SLC27A4: variants seen among roughly 807,000 people sequenced by gnomAD.
SLC27A4 encodes the protein long-chain fatty acid transport protein 4.
SLC27A4 carries 33 observed loss-of-function variants against 64.4 expected under a neutral mutation model. The observed-to-expected ratio is 0.51, with a 90% confidence interval of 0.39 to 0.68. SLC27A4 has a LOEUF of 0.68. Ranked by LOEUF, SLC27A4 falls within the 30% of genes least tolerant of loss-of-function variation. SLC27A4 has a pLI of 0.00. For missense variants in SLC27A4, 824 were observed against 883.5 expected (o/e 0.93, Z 0.85); for synonymous variants, 377 against 370.0 (o/e 1.02, Z -0.22).
rs746006894 is a variant in SLC27A4 at position 128,353,500 on chromosome 9, T to C, written c.1283T>C (p.Leu428Pro). 1 of 1,614,064 alleles carries C rather than the reference T, an allele frequency of 6.2e-7. No homozygotes were observed. Among genetic ancestry groups the C allele is most frequent in the Non-Finnish European group, 8.5e-7 (1 of 1,179,990 alleles). Residue 428 changes from leucine (L) to proline (P), a missense_variant, in exon 9 of 13, where the codon CTG becomes CCG. Coordinates refer to ENST00000300456, the MANE Select transcript of SLC27A4 (RefSeq NM_005094.4). This position sits in a 1 kb window ranked among gnomAD's most constrained non-coding sequence, Gnocchi z 4.9. ...CGTGTCAACGAGGACACCATGGAGC[T>C]GATCCGGGGGCCCGACGGCGTCTGC... ...LVRVNEDTME[L>P]IRGPDGVCIP...
At chr9:128,350,666 C>T in intron 6 of SLC27A4, 91 bp downstream of exon 6, 2 of 1,031,268 alleles carry the variant, frequency 1.9e-6, no homozygotes, top group East Asian at 5.2e-5. Context: ...TAGAAACACA[C>T]AGCTTTGGGC....
intron 9 of SLC27A4, 111 bp from the exon 10 acceptor site, chr9:128,354,942 A>G: frequency 1.6e-6 from 2 of 1,245,770 alleles, no homozygotes; most frequent in Non-Finnish European, 2.2e-6. Flanking sequence ...AACAAGAGCA[A>G]AACTCCGTCT....
At chr9:128,342,057 G>A (rs1054902618) in intron 1 of SLC27A4, 2 of 602,982 alleles carry the variant, frequency 3.3e-6, no homozygotes, top group Non-Finnish European at 3.0e-6. Context: ...TCTTAAGTCA[G>A]TACCCACCCC....
chr9:128,346,845 C>CA lies in SLC27A4; in HGVS notation c.556+1305dup, dbSNP rs202028048. ...TGAAACCCCGTCTCTAATAAAAATG[C>CA]AAAAAAAAACCTAGCCGAGCATGGT... On this transcript the variant is annotated intron_variant, in intron 3 of 12. Transcript: ENST00000300456. 9.3e-4 allele frequency among the ~76,000 whole-genome samples: 139 copies of CA among 149,036 alleles called. 1 individual carries two copies. The East Asian group carries it at 0.018, about 19-fold the overall frequency.
chr9:128,345,684 T>A lies in SLC27A4; in HGVS notation c.556+135T>A. On this transcript the variant is annotated intron_variant, in intron 3 of 12. Transcript: ENST00000300456. This position sits in a 1 kb window ranked among gnomAD's most constrained non-coding sequence, Gnocchi z 4.1. Reference sequence around the variant, plus strand: ...GAGTGGAGTCAGACAGCTTAGGCAGTGCCACGAGTAAACGAGATCCTGGGG... The same window carrying A: ...GAGTGGAGTCAGACAGCTTAGGCAGAGCCACGAGTAAACGAGATCCTGGGG... 9.5e-7 allele frequency: 1 copy of A among 1,054,674 alleles called. No homozygotes were observed. Among genetic ancestry groups the A allele is most frequent in the Non-Finnish European group, 1.3e-6 (1 of 753,768 alleles). 65.3% of individuals were successfully genotyped at this position (1,054,674 alleles called of 1,614,324 possible).
rs781777034 is a variant in SLC27A4 at position 128,350,312 on chromosome 9, A to G, written c.716A>G (p.Asp239Gly). ...LPSCPDKGFT[D>G]KLFYIYTSGT... ...AGCCACTCGCGTCTGTTTTCTTTAG[A>G]TAAACTGTTCTACATCTACACATCC... Residue 239 changes from aspartate to glycine, a missense_variant and splice_region_variant, in exon 5 of 13, where the codon GAT becomes GGT. Coordinates refer to ENST00000300456, the MANE Select transcript of SLC27A4 (RefSeq NM_005094.4). 1.9e-6 allele frequency: 3 copies of G among 1,612,760 alleles called. No homozygotes were observed. Among genetic ancestry groups the G allele is most frequent in the South Asian group, 1.1e-5 (1 of 91,050 alleles).
intron 1 of SLC27A4, among the ~76,000 whole-genome samples, chr9:128,341,480 T>C (rs1832571146): frequency 6.6e-6 from 1 of 152,206 alleles, no homozygotes; most frequent in Admixed American, 6.5e-5. Flanking sequence ...TGTGTGTGTC[T>C]GTGTGATGGG....
intron 1 of SLC27A4, chr9:128,342,807 G>A (rs1832596405): frequency 2.1e-6 from 1 of 482,278 alleles, no homozygotes; most frequent in Admixed American, 3.6e-5. Flanking sequence ...TGCACAGAGG[G>A]CAGATACTAA....
chr9:128,342,841 G>C (rs775626348), intron 1 of SLC27A4: 11 of 534,158 alleles, frequency 2.1e-5, no homozygotes, highest in Non-Finnish European at 3.1e-5. Flanking sequence ...AAAAGGTCTT[G>C]CCCAAGGTCA....
rs1832556371 is a variant in SLC27A4, at chr9:128,340,700, A to G, written c.-145A>G. Reference sequence around the variant, plus strand: ...GCGGGGCTGGCGGGGCGGCCGGGCCATGCAGGGCGCAGAGCCGGCTAAACC... The same window carrying G: ...GCGGGGCTGGCGGGGCGGCCGGGCCGTGCAGGGCGCAGAGCCGGCTAAACC... On this transcript the variant is annotated 5_prime_UTR_variant, in exon 1 of 13. The change abolishes an upstream ATG in the 5' untranslated region. Coordinates refer to ENST00000300456, the MANE Select transcript of SLC27A4 (RefSeq NM_005094.4). The G allele has an allele frequency of 4.3e-6, 2 of 463,216 alleles. No homozygotes were observed. The highest frequency in any genetic ancestry group is 7.8e-6 in the Non-Finnish European group (2 of 256,330). 28.7% of individuals were successfully genotyped at this position (463,216 alleles called of 1,614,324 possible). A position where few individuals can be genotyped will look rare whatever the true frequency, so the allele number is the denominator to read the frequency against.
rs769821518 is a variant in SLC27A4 at position 128,350,368 on chromosome 9, G to A, written c.772G>A (p.Val258Met). The A allele has an allele frequency of 1.2e-5, 19 of 1,613,474 alleles. No homozygotes were observed. In the Admixed American group the frequency reaches 1.3e-4, roughly 11 times the overall value. Residue 258 changes from valine (V) to methionine (M), a missense_variant, in exon 5 of 13, where the codon GTG (valine) becomes ATG (methionine). Coordinates refer to ENST00000300456, the MANE Select transcript of SLC27A4 (RefSeq NM_005094.4). ...CACAGGGCTGCCCAAGGCCGCCATC[G>A]TGGTGCACAGCAGGTAAGGGGCAGG... ...GTTGLPKAAIVVHSRYYRMAA... is the reference protein window; with the variant it reads ...GTTGLPKAAIMVHSRYYRMAA...
chr9:128,353,392 G>T lies in SLC27A4; in HGVS notation c.1198-23G>T. The T allele has an allele frequency of 6.2e-7, 1 of 1,614,178 alleles. No homozygotes were observed. The highest frequency in any genetic ancestry group is 1.1e-5 in the South Asian group (1 of 91,084). Reference sequence around the variant, plus strand: ...TTTGGGCCCATGGTGAGAGAGCCCAGGCCCAAGTCTTGGCCTTCGCAGGTG... The same window carrying T: ...TTTGGGCCCATGGTGAGAGAGCCCATGCCCAAGTCTTGGCCTTCGCAGGTG... On this transcript the variant is annotated intron_variant, in intron 8 of 12. Coordinates refer to ENST00000300456, the MANE Select transcript of SLC27A4 (RefSeq NM_005094.4). This position sits in a 1 kb window ranked among gnomAD's most constrained non-coding sequence, Gnocchi z 4.9.
chr9:128,342,548 C>CT (rs1316262163), intron 1 of SLC27A4: 2 of 694,106 alleles, frequency 2.9e-6, no homozygotes, highest in Non-Finnish European at 4.8e-6. Context: ...TCCCATCTGT[C>CT]TATCTGGCTG....
chr9:128,348,437 C>T, intron 3 of SLC27A4, 108 bp from the exon 4 acceptor site: 1 of 1,406,370 alleles, frequency 7.1e-7, no homozygotes, highest in Non-Finnish European at 9.9e-7. Context: ...TGCCTCTCCT[C>T]CTGCCCAGCC....
In SLC27A4 at chr9:128,360,697, TC is replaced by T; in HGVS notation, c.*208del. On this transcript the variant is annotated 3_prime_UTR_variant, in exon 13 of 13. Transcript: ENST00000300456. ...TTCTGTGAAAGTCTCATGTCCAAGT[TC>T]CGTCTTCTGGGCTGGGCAGGCCCTC... 1.7e-6 allele frequency: 1 copy of T among 594,756 alleles called. No homozygotes were observed. The highest frequency in any genetic ancestry group is 2.9e-5 in the East Asian group (1 of 34,458). 36.8% of individuals were successfully genotyped at this position (594,756 alleles called of 1,614,324 possible).
In SLC27A4 at chr9:128,353,554, G is replaced by A. The variant is rs372150566; in HGVS notation, c.1324+13G>A. On this transcript the variant is annotated intron_variant, in intron 9 of 12. Transcript: ENST00000300456. The surrounding 1 kb of genome is among the most constrained non-coding windows in gnomAD (Gnocchi z 4.9). Reference sequence around the variant, plus strand: ...CCCTGCCAGCCAGGTCTGCCACTTCGGGGTCAGAGAGGGAGGGGTTGGCCT... The same window carrying A: ...CCCTGCCAGCCAGGTCTGCCACTTCAGGGTCAGAGAGGGAGGGGTTGGCCT... 6 of 1,613,474 alleles carry A rather than the reference G, an allele frequency of 3.7e-6. No homozygotes were observed. The highest frequency in any genetic ancestry group is 1.7e-5 in the Admixed American group (1 of 59,998).
chr9:128,349,116 C>G (rs1832698905), intron 4 of SLC27A4, among the ~76,000 whole-genome samples: 1 of 152,174 alleles, frequency 6.6e-6, no homozygotes, highest in African/African-American at 2.4e-5. Context: ...CAGGACACTT[C>G]AGGATCTCCA....
chr9:128,350,435 C>T (rs1832715809), intron 5 of SLC27A4, 49 bp from the exon 6 acceptor site: 1 of 1,612,052 alleles, frequency 6.2e-7, no homozygotes, highest in African/African-American at 1.3e-5. Context: ...GGGGAGCCTC[C>T]TTCTGCCTTT....
intron 6 of SLC27A4, among the ~76,000 whole-genome samples, chr9:128,350,984 T>C (rs1477826353): frequency 6.6e-6 from 1 of 151,762 alleles, no homozygotes; most frequent in Non-Finnish European, 1.5e-5. Context: ...GCCCAGCTAC[T>C]CGGGAGGGTG....
Sources: allele counts gnomAD v4.1 joint callset (sites outside exome capture counted in the v4.1 genomes callset), GRCh38; gene constraint gnomAD v4.1.1; non-coding constraint Gnocchi (gnomAD v3.1); transcripts MANE v1.5; gene names NCBI Gene and HGNC (gene_info 2026-07-23, HGNC 2026-07-21).